The following EIF2AK4 variants were observed in gnomAD, a reference collection of about 807,000 sequenced individuals.
EIF2AK4 encodes eIF-2-alpha kinase GCN2.
In EIF2AK4, 139 loss-of-function variants were observed where a neutral mutation model predicts 211.1. The ratio of observed to expected loss-of-function variants is 0.66; its 90% CI spans 0.57 to 0.76. The LOEUF is 0.76. Among genes scored for constraint, EIF2AK4 ranks in the 30% least tolerant of loss-of-function variants. EIF2AK4 has a pLI of 0.00. For synonymous variants in EIF2AK4, 710 were observed against 751.3 expected, an observed-to-expected ratio of 0.94 and a Z score of 0.90; for missense variants, 1,664 against 2,043.8, an observed-to-expected ratio of 0.81 and a Z score of 3.58.
intron 4 of EIF2AK4, chr15:39,951,459 G>T (rs72729462): frequency 2.5e-6 from 1 of 397,652 alleles, no homozygotes; most frequent in Non-Finnish European, 4.9e-6. Context: ...CATACAGGTT[G>T]GTGTTTTCAA....
rs1243055286 is a variant in EIF2AK4 at position 40,029,544 on chromosome 15, G to T, written c.4561+80G>T. ...CACTTATTACTGTAGCTAACTGCTT[G>T]TGACACTGGAAATCTATTTTTAAAA... On this transcript the variant is annotated intron_variant, in intron 34 of 38. Transcript: ENST00000263791. 2.9e-6 allele frequency: 4 copies of T among 1,389,192 alleles called. No individual in the cohort carries two copies. The African/African-American group carries it at 5.8e-5, about 20-fold the overall frequency. 86.1% of individuals were successfully genotyped at this position (1,389,192 alleles called of 1,614,324 possible).
At chr15:39,934,510 G>A (rs1037674788) in intron 1 of EIF2AK4, among the ~76,000 whole-genome samples, 171 bp downstream of exon 1, 8 of 152,194 alleles carry the variant, frequency 5.3e-5, no homozygotes, top group Non-Finnish European at 7.4e-5. Flanking sequence ...CTGGTCTGCA[G>A]AATCCCACCT....
intron 2 of EIF2AK4, among the ~76,000 whole-genome samples, chr15:39,941,184 GATTA>G (rs1374109129): frequency 6.6e-6 from 1 of 151,758 alleles, no homozygotes; most frequent in African/African-American, 2.4e-5. Context: ...AGAGATGATT[GATTA>G]ATTAAATCTT....
intron 13 of EIF2AK4, among the ~76,000 whole-genome samples, chr15:39,982,707 C>A (rs1167595304): frequency 2.0e-5 from 3 of 152,136 alleles, no homozygotes; most frequent in Admixed American, 1.3e-4. Context: ...CTCCCCACCC[C>A]CTAACAGGCA....
intron 37 of EIF2AK4, 107 bp from the exon 38 acceptor site, chr15:40,034,219 G>T: frequency 1.2e-6 from 1 of 812,234 alleles, no homozygotes; most frequent in East Asian, 2.5e-5. Flanking sequence ...GATTCTCCTG[G>T]TATACTTGAA....
intron 24 of EIF2AK4, among the ~76,000 whole-genome samples, chr15:40,007,436 C>T (rs984560787): frequency 6.6e-6 from 1 of 152,214 alleles, no homozygotes; most frequent in African/African-American, 2.4e-5. Context: ...GGCCAGTGGT[C>T]TCTATGTGAA....
At chr15:40,034,116 AGGC>A (rs1311912439) in intron 37 of EIF2AK4, among the ~76,000 whole-genome samples, 1 of 151,978 alleles carries the variant, frequency 6.6e-6, no homozygotes, top group East Asian at 1.9e-4. Flanking sequence ...ATTGTTAATC[AGGC>A]TCTAATTAGG....
At chr15:39,968,873 G>GATATATAT (rs376138307) in intron 9 of EIF2AK4, among the ~76,000 whole-genome samples, 1,899 of 147,106 alleles carry the variant, frequency 0.013, 28 homozygotes, top group African/African-American at 0.033. Context: ...AAGTGAATAT[G>GATATATAT]ATATATATAT....
intron 30 of EIF2AK4, 42 bp from the exon 31 acceptor site, chr15:40,020,857 A>G: frequency 6.5e-7 from 1 of 1,538,466 alleles, no homozygotes; most frequent in Non-Finnish European, 8.8e-7. Flanking sequence ...CCATGCCTGC[A>G]GTCTTGCTCC....
At chr15:39,998,843 TCTTC>T in intron 20 of EIF2AK4, 59 bp downstream of exon 20, 1 of 1,406,594 alleles carries the variant, frequency 7.1e-7, no homozygotes. Context: ...TTATTATTTT[TCTTC>T]TTTTTCAATT....
intron 9 of EIF2AK4, among the ~76,000 whole-genome samples, chr15:39,970,645 A>G (rs1001749645): frequency 6.6e-6 from 1 of 152,178 alleles, no homozygotes; most frequent in Admixed American, 6.5e-5. Flanking sequence ...ATCAAAAAAC[A>G]ATACTATTTT....
At chr15:40,003,080 A>T (rs529995081) in intron 22 of EIF2AK4, 113 bp from the exon 23 acceptor site, 1 of 1,445,728 alleles carries the variant, frequency 6.9e-7, no homozygotes, top group East Asian at 2.3e-5. Context: ...AATTGATATG[A>T]CTTCAATGGT....
At chr15:40,010,082 G>C (rs2035215465) in intron 26 of EIF2AK4, among the ~76,000 whole-genome samples, 1 of 152,214 alleles carries the variant, frequency 6.6e-6, no homozygotes. Flanking sequence ...AATTGGTCCT[G>C]ATACTTGCCA....
At chr15:40,023,026 C>T (rs892509043) in intron 32 of EIF2AK4, among the ~76,000 whole-genome samples, 11 of 152,094 alleles carry the variant, frequency 7.2e-5, no homozygotes, top group Admixed American at 7.2e-4. Context: ...CGCGCCCGGC[C>T]GTTGTTGGGT....
At chr15:40,030,506 G>C in intron 35 of EIF2AK4, 50 bp downstream of exon 35, 1 of 1,489,206 alleles carries the variant, frequency 6.7e-7, no homozygotes, top group Non-Finnish European at 9.2e-7. Flanking sequence ...TTACAGAAGA[G>C]AAAAACAACA....
chr15:40,019,183 C>A lies in EIF2AK4; in HGVS notation c.4156C>A (p.Leu1386Ile). The change falls in exon 30 of 39, where the codon CTC (leucine) becomes ATC (isoleucine). Residue 1386 changes from leucine to isoleucine, a missense_variant. By Grantham distance (5) the Leu-to-Ile change is conservative (BLOSUM62 2). This residue lies in a region of EIF2AK4 where 622 missense variants were observed against 796.8 expected (regional missense o/e 0.78). Coordinates refer to ENST00000263791, the MANE Select transcript of EIF2AK4 (RefSeq NM_001013703.4). ...TATAGACAAGATATCTGCTGCTGTCCTCAACATGGAGGAATCTGTAAGTTC... is the reference window on the plus strand; with the variant it reads ...TATAGACAAGATATCTGCTGCTGTCATCAACATGGAGGAATCTGTAAGTTC... ...IAIDKISAAV[L>I]NMEESVTISS... is the part of the protein sequence containing the mutation. The A allele has an allele frequency of 6.3e-7, 1 of 1,592,270 alleles. No homozygotes were observed. Among genetic ancestry groups the A allele is most frequent in the Non-Finnish European group, 8.6e-7 (1 of 1,169,458 alleles).
rs200486585 is a variant in EIF2AK4, at chr15:39,961,732, GA to G, written c.744-45del. Reference sequence around the variant, plus strand: ...ATAACATTCCTATGTTAATCTTAAAGAAAAAAATGAAAAATGATTGTTCAAA... The same window carrying G: ...ATAACATTCCTATGTTAATCTTAAAGAAAAAATGAAAAATGATTGTTCAAA... On this transcript the variant is annotated intron_variant, in intron 6 of 38. Coordinates refer to ENST00000263791, the MANE Select transcript of EIF2AK4 (RefSeq NM_001013703.4). The G allele has an allele frequency of 1.1e-3, 1,602 of 1,436,584 alleles. 16 individuals carry two copies. In the African/African-American group the frequency reaches 0.018, roughly 16 times the overall value. The allele number at this position is 1,436,584 out of a possible 1,614,324, so 89.0% of individuals were successfully genotyped here. A position where few individuals can be genotyped will look rare whatever the true frequency, so the allele number is the denominator to read the frequency against.
chr15:40,035,182 A>C lies in EIF2AK4; in HGVS notation c.*98A>C. The C allele has an allele frequency of 9.6e-7, 1 of 1,044,248 alleles. No homozygotes were observed. The highest frequency in any genetic ancestry group is 1.3e-6 in the Non-Finnish European group (1 of 756,618). The allele number at this position is 1,044,248 out of a possible 1,614,324, so 64.7% of individuals were successfully genotyped here. A position where few individuals can be genotyped will look rare whatever the true frequency, so the allele number is the denominator to read the frequency against. On this transcript the variant is annotated 3_prime_UTR_variant, in exon 39 of 39. Transcript: ENST00000263791. ...CATCATAATTTAAAATTAAATTCTA[A>C]GAAGAGGCTGGGTGCAGTGGCTCAC...
intron 4 of EIF2AK4, 147 bp from the exon 5 acceptor site, chr15:39,953,757 G>GT (rs1271997034): frequency 1.4e-6 from 1 of 738,840 alleles, no homozygotes; most frequent in African/African-American, 1.8e-5. Context: ...TAGAACTGCA[G>GT]TTTGTACTAA....
Sources: allele counts gnomAD v4.1 joint callset (sites outside exome capture counted in the v4.1 genomes callset), GRCh38; gene constraint gnomAD v4.1.1; regional missense constraint gnomAD v4.1.1; transcripts MANE v1.5; gene names NCBI Gene and HGNC (gene_info 2026-07-23, HGNC 2026-07-21).